DMD: variants seen among roughly 807,000 people sequenced by gnomAD.
The protein encoded by DMD is dystrophin, also known as mutant dystrophin.
DMD carries 63 observed loss-of-function variants against 330.1 expected under a neutral mutation model. The observed-to-expected ratio is 0.19, with a 90% CI of 0.16 to 0.24. DMD has a LOEUF of 0.24. Among genes scored for constraint, DMD ranks in the 10% least tolerant of loss-of-function variants. DMD has a pLI of 1.00. For missense variants in DMD, 3,344 were observed against 2,684.1 expected (o/e 1.25, Z -5.43); for synonymous variants, 1,223 against 959.8 (o/e 1.27, Z -5.07).
chrX:32,108,893 C>T, intron 44 of DMD, among the ~76,000 whole-genome samples: 1 of 111,235 alleles, frequency 9.0e-6, no homozygotes, highest in Non-Finnish European at 1.9e-5. Context: ...AGAGCAGTAT[C>T]TTATTGCCTT....
At chrX:31,524,418 C>T (rs1335762099) in intron 55 of DMD, among the ~76,000 whole-genome samples, 1 of 111,286 alleles carries the variant, frequency 9.0e-6, no homozygotes, top group Non-Finnish European at 1.9e-5. Flanking sequence ...ATGATAACAT[C>T]TCTTCAAATG....
chrX:32,217,154 C>T (rs1249280491), intron 43 of DMD, 91 bp from the exon 44 acceptor site: 1 of 886,283 alleles, frequency 1.1e-6, no homozygotes, highest in African/African-American at 2.0e-5. Context: ...GTTATACTGA[C>T]AAAGATATCA....
At chrX:32,558,471 C>T (rs1419202870) in intron 16 of DMD, among the ~76,000 whole-genome samples, 1 of 111,520 alleles carries the variant, frequency 9.0e-6, no homozygotes, top group Non-Finnish European at 1.9e-5. Flanking sequence ...AGATGCTGAG[C>T]ATTTTGTCTG....
intron 34 of DMD, among the ~76,000 whole-genome samples, chrX:32,371,174 G>A (rs1051787157): frequency 4.5e-5 from 5 of 111,590 alleles, no homozygotes; most frequent in African/African-American, 1.6e-4. Flanking sequence ...AAGGATAATT[G>A]AGCAACCAAT....
At chrX:32,341,340 G>A (rs2097741236) in intron 41 of DMD, among the ~76,000 whole-genome samples, 1 of 111,653 alleles carries the variant, frequency 9.0e-6, no homozygotes, top group Admixed American at 9.6e-5. Context: ...GAACAAAAAT[G>A]TACCTGTCAG....
At chrX:32,105,129 T>C (rs1433865648) in intron 44 of DMD, among the ~76,000 whole-genome samples, 1 of 111,935 alleles carries the variant, frequency 8.9e-6, no homozygotes, top group Non-Finnish European at 1.9e-5. Flanking sequence ...CAACACACGT[T>C]AGTGCCAGCA....
rs182538486 is a variant in DMD at position 32,715,230 on chromosome X, G to A, written c.650-15937C>T. On this transcript the variant is annotated intron_variant, in intron 7 of 78. Transcript: ENST00000357033. ...GTGGTGGCTCATGCCTGTAATCCCA[G>A]CACTTTGGGAGGCCAAGGCAGGAGG... 6.7e-3 allele frequency among the ~76,000 whole-genome samples: 740 copies of A among 110,747 alleles called. 3 individuals are homozygous for A. The highest frequency in any genetic ancestry group is 9.2e-3 in the Middle Eastern group (2 of 218).
chrX:32,127,283 A>G (rs947660861), intron 44 of DMD, among the ~76,000 whole-genome samples: 3 of 111,810 alleles, frequency 2.7e-5, no homozygotes, highest in African/African-American at 9.8e-5. Context: ...TTCTTAGAAC[A>G]TTTACTCAAA....
chrX:31,552,522 T>C (rs2074547578), intron 55 of DMD, among the ~76,000 whole-genome samples: 1 of 111,187 alleles, frequency 9.0e-6, no homozygotes, highest in African/African-American at 3.3e-5. Flanking sequence ...CAGCACGACC[T>C]TGGAGAAGGA....
intron 44 of DMD, among the ~76,000 whole-genome samples, chrX:32,040,232 T>G (rs1417182203): frequency 6.3e-5 from 7 of 111,741 alleles, no homozygotes; most frequent in Non-Finnish European, 9.4e-5. Context: ...CTTCATAACT[T>G]CACTGGTGTG....
intron 7 of DMD, among the ~76,000 whole-genome samples, chrX:32,773,498 T>C (rs942790293): frequency 1.0e-5 from 1 of 99,081 alleles, no homozygotes; most frequent in Non-Finnish European, 2.0e-5. Context: ...ATTCCTTCTA[T>C]CTAACTATAT....
intron 67 of DMD, among the ~76,000 whole-genome samples, chrX:31,184,128 C>T (rs915384718): frequency 2.7e-5 from 3 of 111,366 alleles, no homozygotes; most frequent in Non-Finnish European, 5.7e-5. Context: ...AGGCAGGTCT[C>T]GAACTCCTGA....
chrX:33,156,806 C>T lies in DMD; in HGVS notation c.31+54476G>A, dbSNP rs1345124175. On this transcript the variant is annotated intron_variant, in intron 1 of 78. Transcript: ENST00000357033. ...CAATAACAAATCTATTGAGAAGATACAGTTATTTACATGCACAGAAGGTTA... is the reference window on the plus strand; with the variant it reads ...CAATAACAAATCTATTGAGAAGATATAGTTATTTACATGCACAGAAGGTTA... Among the ~76,000 whole-genome samples, 5 of 111,733 alleles carry T rather than the reference C, an allele frequency of 4.5e-5. No homozygotes were observed. In the East Asian group the frequency reaches 1.1e-3, roughly 25 times the overall value.
intron 1 of DMD, among the ~76,000 whole-genome samples, chrX:33,043,002 A>T (rs1049555534): frequency 8.9e-6 from 1 of 111,827 alleles, no homozygotes; most frequent in Non-Finnish European, 1.9e-5. Context: ...TTTGCTATGC[A>T]CCGGACCCTG....
chrX:31,384,275 C>T (rs1159076735), intron 60 of DMD, among the ~76,000 whole-genome samples: 5 of 110,342 alleles, frequency 4.5e-5, no homozygotes, highest in Non-Finnish European at 9.5e-5. Flanking sequence ...AGTCCAGTTC[C>T]CGCCCGCGAG....
intron 50 of DMD, among the ~76,000 whole-genome samples, chrX:31,795,323 T>TA (rs765734695): frequency 8.9e-6 from 1 of 112,560 alleles, no homozygotes; most frequent in Non-Finnish European, 1.9e-5. Context: ...ATACATATAC[T>TA]AATGATACAG....
chrX:32,437,494 C>T lies in DMD; in HGVS notation c.4071+747G>A, dbSNP rs188720708. On this transcript the variant is annotated intron_variant, in intron 29 of 78. Transcript: ENST00000357033. ...CCTTATTCTCTTTTTTCTCTTCATA[C>T]GTTATATTATTTGTTTTTATGTCTT... Among the ~76,000 whole-genome samples, 3 of 111,811 alleles carry T rather than the reference C, an allele frequency of 2.7e-5. No homozygotes were observed. In the East Asian group the frequency reaches 8.4e-4, roughly 31 times the overall value.
At chrX:32,408,062 A>G (rs1160811149) in intron 30 of DMD, among the ~76,000 whole-genome samples, 1 of 110,045 alleles carries the variant, frequency 9.1e-6, no homozygotes, top group Non-Finnish European at 1.9e-5. Context: ...AACATGGCAC[A>G]TGTATACATA....
intron 1 of DMD, among the ~76,000 whole-genome samples, chrX:33,328,584 C>T (rs1174323808): frequency 2.7e-5 from 3 of 111,348 alleles, no homozygotes; most frequent in South Asian, 3.8e-4. Flanking sequence ...AGATTAATCA[C>T]GCATCACTCT....
Sources: gnomAD v4.1 joint callset for allele counts (sites outside exome capture counted in the v4.1 genomes callset) on GRCh38, gnomAD v4.1.1 for gene constraint, MANE v1.5 for transcripts, NCBI Gene and HGNC (gene_info 2026-07-23, HGNC 2026-07-21) for gene names.